The following JADE2 variants were observed in gnomAD, a reference collection of about 807,000 sequenced individuals.
JADE2 encodes E3 ubiquitin-protein ligase Jade-2.
JADE2 carries 13 observed loss-of-function variants against 85.7 expected under a neutral mutation model. That is an observed-to-expected ratio of 0.15 (90% CI 0.10 to 0.24). The LOEUF (loss-of-function observed/expected upper bound fraction) is 0.24. JADE2 is among the 10% of genes least tolerant of loss of function. The pLI is 1.00. For missense variants in JADE2, 846 were observed against 1,115.9 expected (o/e 0.76, Z 3.45); for synonymous variants, 440 against 456.1 (o/e 0.96, Z 0.45).
intron 2 of JADE2, 59 bp downstream of exon 2, chr5:134,535,974 C>A: frequency 6.9e-7 from 1 of 1,446,296 alleles, no homozygotes; most frequent in Non-Finnish European, 9.7e-7. Flanking sequence ...ATCAGGCCCA[C>A]AGGCCCAGAT....
Position 134,573,656 on chromosome 5 carries a change from G to A in JADE2, c.1446G>A (p.Leu482=), listed in dbSNP as rs1764178259. ...LRQDLERVRN[L]CYMVTRRERT... is the part of the protein sequence containing the mutation. Reference sequence around the variant, plus strand: ...TCTTGTTTTCTCAGGTTAGAAATCTGTGCTACATGGTGACAAGGCGCGAGA... The same window carrying A: ...TCTTGTTTTCTCAGGTTAGAAATCTATGCTACATGGTGACAAGGCGCGAGA... Residue 482 remains leucine, a synonymous_variant, in exon 10 of 12, where the codon CTG becomes CTA. Coordinates refer to ENST00000681547, the MANE Select transcript of JADE2 (RefSeq NM_001388185.1). The A allele has an allele frequency of 6.2e-7, 1 of 1,612,472 alleles. No individual in the cohort carries two copies. Among genetic ancestry groups the A allele is most frequent in the African/African-American group, 1.3e-5 (1 of 74,892 alleles).
chr5:134,571,701 G>GA (rs1331928386), intron 9 of JADE2, among the ~76,000 whole-genome samples: 3 of 151,974 alleles, frequency 2.0e-5, no homozygotes, highest in African/African-American at 7.2e-5. Context: ...CGTCTCGAAA[G>GA]AAAAAAAAGA....
At position 134,579,211 on chromosome 5, in the gene JADE2, G is replaced by A. The variant is rs1224347309; in HGVS notation, c.2399G>A (p.Gly800Glu). ...DTETDGYFSDGEMSDSDVEAE... is the reference protein window; with the variant it reads ...DTETDGYFSDEEMSDSDVEAE... ...GAGACTGATGGCTACTTCTCTGATG[G>A]GGAGATGAGCGACTCAGATGTAGAG... Residue 800 changes from glycine to glutamate, a missense_variant, in exon 12 of 12, where the codon GGG becomes GAG. Gly to Glu is a moderately conservative substitution (Grantham distance 98). Around this residue, in one of 9 missense-constraint regions of JADE2, gnomAD observed 300 missense variants for 300.7 expected, o/e 1.00. Coordinates refer to ENST00000681547, the MANE Select transcript of JADE2 (RefSeq NM_001388185.1). This position sits in a 1 kb window ranked among gnomAD's most constrained non-coding sequence, Gnocchi z 4.6. 2 of 1,614,102 alleles carry A rather than the reference G, an allele frequency of 1.2e-6. No individual in the cohort carries two copies. Among genetic ancestry groups the A allele is most frequent in the Middle Eastern group, 1.6e-4 (1 of 6,084 alleles).
chr5:134,556,171 C>T (rs1212509365), intron 4 of JADE2, among the ~76,000 whole-genome samples: 1 of 152,234 alleles, frequency 6.6e-6, no homozygotes, highest in Non-Finnish European at 1.5e-5. Flanking sequence ...AGCCTTGCCC[C>T]CGACCCCAGG....
intron 3 of JADE2, among the ~76,000 whole-genome samples, chr5:134,539,960 TC>T (rs1349649466): frequency 2.0e-5 from 3 of 152,120 alleles, no homozygotes; most frequent in African/African-American, 7.2e-5. Flanking sequence ...AAGCCTGACT[TC>T]CATGGCCCCA....
chr5:134,552,239 A>T, intron 4 of JADE2, 30 bp downstream of exon 4: 1 of 1,601,992 alleles, frequency 6.2e-7, no homozygotes, highest in Non-Finnish European at 8.5e-7. Flanking sequence ...CTAGGGGGCC[A>T]TTGGGACAGG....
At chr5:134,558,737 C>T (rs1031313837) in intron 4 of JADE2, among the ~76,000 whole-genome samples, 6 of 152,210 alleles carry the variant, frequency 3.9e-5, no homozygotes, top group Admixed American at 2.0e-4. Context: ...GGGGTTTCCT[C>T]ATGTTGGTCA....
chr5:134,562,108 A>T lies in JADE2; in HGVS notation c.685-92A>T, dbSNP rs1353179190. The T allele has an allele frequency of 4.7e-6, 6 of 1,270,524 alleles. No individual in the cohort carries two copies. The highest frequency in any genetic ancestry group is 6.6e-6 in the Non-Finnish European group (6 of 912,860). 78.7% of individuals were successfully genotyped at this position (1,270,524 alleles called of 1,614,324 possible). On this transcript the variant is annotated intron_variant, in intron 6 of 11. Coordinates refer to ENST00000681547, the MANE Select transcript of JADE2 (RefSeq NM_001388185.1). This position sits in a 1 kb window ranked among gnomAD's most constrained non-coding sequence, Gnocchi z 4.6. Reference sequence around the variant, plus strand: ...ATGGGAGGCTGTGTAGCAGTGTAGCATGGGGCTGGCACTGGACCAAATGCA... The same window carrying T: ...ATGGGAGGCTGTGTAGCAGTGTAGCTTGGGGCTGGCACTGGACCAAATGCA...
rs749702251 is a variant in JADE2 at position 134,578,701 on chromosome 5, G to A, written c.1889G>A (p.Arg630Gln). The part of the protein sequence containing the change: ...LLSFMRDPSL[R>Q]PGDPARKARG... ...AGCTTCATGCGGGACCCCTCGCTGC[G>A]ACCTGGTGACCCTGCTAGGAAGGCC... Residue 630 changes from arginine (R) to glutamine (Q), a missense_variant, in exon 12 of 12, where the codon CGA (arginine) becomes CAA (glutamine). Physicochemically the swap from Arg to Gln is conservative, Grantham distance 43. Coordinates refer to ENST00000681547, the MANE Select transcript of JADE2 (RefSeq NM_001388185.1). The surrounding 1 kb of genome is among the most constrained non-coding windows in gnomAD (Gnocchi z 4.4). 16 of 1,613,592 alleles carry A rather than the reference G, an allele frequency of 9.9e-6. No homozygotes were observed. The highest frequency in any genetic ancestry group is 2.2e-5 in the East Asian group (1 of 44,894).
At chr5:134,536,487 G>A (rs1387489530) in intron 2 of JADE2, among the ~76,000 whole-genome samples, 1 of 152,238 alleles carries the variant, frequency 6.6e-6, no homozygotes, top group African/African-American at 2.4e-5. Flanking sequence ...GGATTGGCAT[G>A]TCAATTGGAC....
chr5:134,546,522 C>T (rs989294884), intron 3 of JADE2, among the ~76,000 whole-genome samples: 1 of 152,090 alleles, frequency 6.6e-6, no homozygotes, highest in Non-Finnish European at 1.5e-5. Flanking sequence ...AATCCCAGCA[C>T]TTTGGGAGGC....
At chr5:134,550,476 G>A (rs11242224) in intron 3 of JADE2, among the ~76,000 whole-genome samples, 18,120 of 152,212 alleles carry the variant, frequency 0.12, 1,374 homozygotes, top group East Asian at 0.21. Flanking sequence ...CGGGCACAGC[G>A]GTGGATGCTG....
chr5:134,538,645 GA>G (rs1022647541), intron 3 of JADE2, among the ~76,000 whole-genome samples: 2 of 152,128 alleles, frequency 1.3e-5, no homozygotes, highest in African/African-American at 4.8e-5. Flanking sequence ...CTGGAACTGA[GA>G]AGCGCACTGG....
chr5:134,543,582 C>G (rs1243282684), intron 3 of JADE2, among the ~76,000 whole-genome samples: 1 of 152,104 alleles, frequency 6.6e-6, no homozygotes, highest in Non-Finnish European at 1.5e-5. Context: ...GAGGTTGAGG[C>G]AGGAGGATCA....
intron 10 of JADE2, 119 bp downstream of exon 10, chr5:134,573,881 C>G: frequency 1.3e-6 from 1 of 774,662 alleles, no homozygotes; most frequent in Non-Finnish European, 2.4e-6. Context: ...CCAAGGGCCA[C>G]TGGCCCCCAC....
intron 3 of JADE2, among the ~76,000 whole-genome samples, chr5:134,543,665 A>G (rs1762115040): frequency 6.6e-6 from 1 of 152,174 alleles, no homozygotes; most frequent in African/African-American, 2.4e-5. Flanking sequence ...CTACAAAGCA[A>G]GACTCTGTCT....
chr5:134,560,714 A>G (rs757580920), intron 5 of JADE2, 32 bp from the exon 6 acceptor site: 1 of 1,593,064 alleles, frequency 6.3e-7, no homozygotes, highest in Non-Finnish European at 8.6e-7. Flanking sequence ...CTGGGCTCCT[A>G]ACACCACCAT....
chr5:134,563,012 A>C (rs987286967), intron 7 of JADE2, among the ~76,000 whole-genome samples: 4 of 152,166 alleles, frequency 2.6e-5, no homozygotes, highest in African/African-American at 9.7e-5. Context: ...CAGTTGTTCC[A>C]ACCAAAGTCA....
chr5:134,545,814 G>A (rs1435017578), intron 3 of JADE2, among the ~76,000 whole-genome samples: 1 of 152,220 alleles, frequency 6.6e-6, no homozygotes, highest in African/African-American at 2.4e-5. Flanking sequence ...GAGATGAGGT[G>A]CTCAGAAAAC....
Sources: allele counts gnomAD v4.1 joint callset (sites outside exome capture counted in the v4.1 genomes callset), GRCh38; gene constraint gnomAD v4.1.1; regional missense constraint gnomAD v4.1.1; non-coding constraint Gnocchi (gnomAD v3.1); transcripts MANE v1.5; gene names NCBI Gene and HGNC (gene_info 2026-07-23, HGNC 2026-07-21).